The following STAG1 variants were observed in gnomAD, a reference collection of about 807,000 sequenced individuals.
STAG1 encodes STAG1 cohesin complex component.
A neutral mutation model predicts 170.9 loss-of-function variants in STAG1; 26 were observed. The ratio of observed to expected loss-of-function variants is 0.15; its 90% CI spans 0.11 to 0.21. The LOEUF is 0.21. Among genes scored for constraint, STAG1 ranks in the 10% least tolerant of loss-of-function variants. The pLI, the probability that STAG1 is intolerant of heterozygous loss-of-function variation, is 1.00. For synonymous variants in STAG1, 514 were observed against 497.7 expected (o/e 1.03, Z -0.44); for missense variants, 964 against 1,509.5 (o/e 0.64, Z 5.99).
intron 9 of STAG1, among the ~76,000 whole-genome samples, chr3:136,495,970 CA>C (rs35882097): frequency 0.34 from 21,577 of 64,278 alleles, 2,023 homozygotes; most frequent in East Asian, 0.66. Context: ...GACTCCGTCT[CA>C]AAAAAAAAAA....
intron 3 of STAG1, among the ~76,000 whole-genome samples, chr3:136,620,833 T>C (rs1939812624): frequency 6.6e-6 from 1 of 152,252 alleles, no homozygotes; most frequent in Non-Finnish European, 1.5e-5. Flanking sequence ...ATGCACTATT[T>C]ACTTACTAGA....
Position 136,528,364 on chromosome 3 carries a change from T to A in STAG1, c.472-6947A>T, listed in dbSNP as rs922812894. 7.9e-5 allele frequency among the ~76,000 whole-genome samples: 12 copies of A among 152,074 alleles called. 1 individual carries two copies. Among genetic ancestry groups the A allele is most frequent in the Non-Finnish European group, 1.6e-4 (11 of 68,028 alleles). ...AGCAGTGAGTGAGGCTCCGTGGGCA[T>A]GGGACCCTCTGAGCCAGGCGCTATA... On this transcript the variant is annotated intron_variant, in intron 6 of 33. Coordinates refer to ENST00000383202, the MANE Select transcript of STAG1 (RefSeq NM_005862.3).
intron 1 of STAG1, among the ~76,000 whole-genome samples, chr3:136,666,235 C>A (rs113269445): frequency 1.9e-3 from 289 of 151,880 alleles, no homozygotes; most frequent in Admixed American, 3.1e-3. Flanking sequence ...ACAATCTGAA[C>A]AATCAAGGAA....
intron 1 of STAG1, among the ~76,000 whole-genome samples, chr3:136,738,917 A>G (rs944857237): frequency 1.3e-5 from 2 of 152,174 alleles, no homozygotes; most frequent in Non-Finnish European, 2.9e-5. Context: ...GTCCATTTAA[A>G]AATAAGTCAA....
At chr3:136,737,030 C>T (rs1294743622) in intron 1 of STAG1, 35 of 1,501,300 alleles carry the variant, frequency 2.3e-5, no homozygotes, top group Non-Finnish European at 3.0e-5. Context: ...TTTTTTATTT[C>T]TTCATCTGTA....
chr3:136,692,650 A>C (rs1942765069), intron 1 of STAG1, among the ~76,000 whole-genome samples: 1 of 152,094 alleles, frequency 6.6e-6, no homozygotes, highest in African/African-American at 2.4e-5. Context: ...AAAAAAAGTC[A>C]ATTACAGTGA....
At chr3:136,502,845 T>C (rs1321633307) in intron 7 of STAG1, 66 bp from the exon 8 acceptor site, 6 of 1,271,512 alleles carry the variant, frequency 4.7e-6, no homozygotes, top group Admixed American at 3.3e-5. Flanking sequence ...ATTACAAATT[T>C]ATAAAGCCAA....
chr3:136,674,168 AGGG>A (rs1219849451), intron 1 of STAG1, among the ~76,000 whole-genome samples: 7 of 12,068 alleles, frequency 5.8e-4, no homozygotes, highest in African/African-American at 3.2e-3. Context: ...GGAGGGAGGG[AGGG>A]AAGGAGGGAG....
chr3:136,612,149 T>A (rs1489053912), intron 3 of STAG1, among the ~76,000 whole-genome samples: 4 of 152,104 alleles, frequency 2.6e-5, no homozygotes, highest in African/African-American at 7.2e-5. Flanking sequence ...GCCTGGCCTA[T>A]GTGTGGATTT....
intron 7 of STAG1, among the ~76,000 whole-genome samples, chr3:136,511,122 C>T (rs911074933): frequency 1.3e-5 from 2 of 152,170 alleles, no homozygotes; most frequent in Admixed American, 1.3e-4. Flanking sequence ...CTTGCACTCA[C>T]TTCCATCCAG....
chr3:136,738,945 A>T (rs1934500362), intron 1 of STAG1, among the ~76,000 whole-genome samples: 2 of 152,206 alleles, frequency 1.3e-5, no homozygotes, highest in Admixed American at 6.5e-5. Context: ...AAAAATAAAA[A>T]AAAGACTCTA....
intron 12 of STAG1, among the ~76,000 whole-genome samples, chr3:136,468,536 G>C (rs1480596980): frequency 1.3e-5 from 2 of 152,120 alleles, no homozygotes; most frequent in African/African-American, 2.4e-5. Flanking sequence ...ACCAAAAAAA[G>C]TCCAGGACCA....
At chr3:136,500,770 C>T (rs1933418936) in intron 8 of STAG1, among the ~76,000 whole-genome samples, 1 of 152,068 alleles carries the variant, frequency 6.6e-6, no homozygotes, top group Admixed American at 6.6e-5. Flanking sequence ...GGCCAAGTTC[C>T]CAATAAGAGG....
At chr3:136,383,954 CAA>C (rs71304276) in intron 22 of STAG1, among the ~76,000 whole-genome samples, 7 of 58,970 alleles carry the variant, frequency 1.2e-4, no homozygotes, top group East Asian at 5.8e-4. Flanking sequence ...GACTCCGTCT[CAA>C]AAAAAAAAAA....
intron 6 of STAG1, among the ~76,000 whole-genome samples, chr3:136,527,284 G>A (rs1216917832): frequency 6.6e-6 from 1 of 152,074 alleles, no homozygotes; most frequent in Non-Finnish European, 1.5e-5. Flanking sequence ...TGGAGGCTTT[G>A]TTTGTTTCTT....
intron 31 of STAG1, among the ~76,000 whole-genome samples, chr3:136,340,899 A>G (rs1935940860): frequency 6.6e-6 from 1 of 152,166 alleles, no homozygotes; most frequent in Non-Finnish European, 1.5e-5. Flanking sequence ...AATTTTACAA[A>G]TGAGGAACCT....
At chr3:136,513,933 A>T (rs1376433773) in intron 7 of STAG1, among the ~76,000 whole-genome samples, 1 of 152,188 alleles carries the variant, frequency 6.6e-6, no homozygotes, top group Non-Finnish European at 1.5e-5. Context: ...AAAAATTAAA[A>T]GAAAAAAAGT....
intron 5 of STAG1, among the ~76,000 whole-genome samples, chr3:136,553,070 G>C (rs1466700061): frequency 1.3e-5 from 2 of 151,930 alleles, no homozygotes; most frequent in African/African-American, 4.8e-5. Context: ...GATTAGAAAA[G>C]AAATAAACTT....
intron 1 of STAG1, among the ~76,000 whole-genome samples, chr3:136,655,026 T>C (rs1941329958): frequency 6.6e-6 from 1 of 152,266 alleles, no homozygotes; most frequent in South Asian, 2.1e-4. Flanking sequence ...GACCTAAAAT[T>C]ATAAAACTCT....
Sources: gnomAD v4.1 joint callset for allele counts (sites outside exome capture counted in the v4.1 genomes callset) on GRCh38, gnomAD v4.1.1 for gene constraint, MANE v1.5 for transcripts, NCBI Gene and HGNC (gene_info 2026-07-23, HGNC 2026-07-21) for gene names.